Variants in IL1RAPL1 observed in about 807,000 individuals in gnomAD.
IL1RAPL1 encodes interleukin-1 receptor accessory protein-like 1.
IL1RAPL1 carries 3 observed loss-of-function variants against 48.4 expected under a neutral mutation model. The observed-to-expected ratio is 0.06, with a 90% confidence interval of 0.03 to 0.16. The LOEUF (loss-of-function observed/expected upper bound fraction) is 0.16, where lower values mean the gene tolerates loss of function less well. Ranked by LOEUF, IL1RAPL1 falls within the 10% of genes least tolerant of loss-of-function variation. IL1RAPL1 has a pLI of 1.00. For missense variants in IL1RAPL1, 349 were observed against 530.6 expected, an observed-to-expected ratio of 0.66 and a Z score of 3.36; for synonymous variants, 185 against 187.7, an observed-to-expected ratio of 0.99 and a Z score of 0.12.
At chrX:29,196,525 G>T (rs1471584376) in intron 2 of IL1RAPL1, among the ~76,000 whole-genome samples, 2 of 111,552 alleles carry the variant, frequency 1.8e-5, no homozygotes, top group East Asian at 5.6e-4. Flanking sequence ...TGGTTTATGG[G>T]CCTGACAATG....
At chrX:29,468,608 T>A (rs1934888588) in intron 5 of IL1RAPL1, among the ~76,000 whole-genome samples, 1 of 112,270 alleles carries the variant, frequency 8.9e-6, no homozygotes, top group Non-Finnish European at 1.9e-5. Context: ...CATTTTCTCT[T>A]GTCTGGTCTT....
intron 6 of IL1RAPL1, among the ~76,000 whole-genome samples, chrX:29,821,547 C>T (rs1930620265): frequency 8.9e-6 from 1 of 112,364 alleles, no homozygotes; most frequent in African/African-American, 3.2e-5. Flanking sequence ...GTTTTATTTT[C>T]TTCAGGTCAC....
chrX:29,533,171 TATTCAG>T (rs1236741363), intron 5 of IL1RAPL1, among the ~76,000 whole-genome samples: 3 of 112,383 alleles, frequency 2.7e-5, no homozygotes, highest in Non-Finnish European at 5.6e-5. Flanking sequence ...TTTTTTAGTA[TATTCAG>T]AGAGTTATGC....
At chrX:28,955,598 G>A (rs1399061772) in intron 2 of IL1RAPL1, among the ~76,000 whole-genome samples, 2 of 107,325 alleles carry the variant, frequency 1.9e-5, no homozygotes, top group Middle Eastern at 4.7e-3. Context: ...GTAGATATGC[G>A]GCGTTATTTC....
intron 2 of IL1RAPL1, among the ~76,000 whole-genome samples, chrX:28,902,615 A>T (rs192186515): frequency 1.4e-4 from 16 of 112,001 alleles, no homozygotes; most frequent in Admixed American, 1.0e-3. Context: ...TACACCTGGT[A>T]ATAGTGCATG....
At chrX:29,191,580 C>T (rs1459846043) in intron 2 of IL1RAPL1, among the ~76,000 whole-genome samples, 1 of 111,873 alleles carries the variant, frequency 8.9e-6, no homozygotes, top group Non-Finnish European at 1.9e-5. Context: ...CTGCCATGTA[C>T]TTTGACACCT....
intron 3 of IL1RAPL1, among the ~76,000 whole-genome samples, chrX:29,367,111 A>G (rs1933473157): frequency 9.0e-6 from 1 of 111,628 alleles, no homozygotes; most frequent in South Asian, 3.7e-4. Context: ...TAGCAAATAT[A>G]ATCAAAGTTA....
intron 2 of IL1RAPL1, among the ~76,000 whole-genome samples, chrX:28,949,310 T>C (rs1277436570): frequency 9.0e-6 from 1 of 110,758 alleles, no homozygotes; most frequent in African/African-American, 3.3e-5. Context: ...AAATGAGCCT[T>C]GTGTGCTTTC....
intron 3 of IL1RAPL1, among the ~76,000 whole-genome samples, chrX:29,287,307 A>G (rs1313678460): frequency 9.0e-6 from 1 of 111,730 alleles, no homozygotes; most frequent in Non-Finnish European, 1.9e-5. Context: ...CATGGTATGG[A>G]CTACCACCAT....
intron 2 of IL1RAPL1, among the ~76,000 whole-genome samples, chrX:29,205,660 T>C (rs1930648893): frequency 8.9e-6 from 1 of 111,954 alleles, no homozygotes; most frequent in African/African-American, 3.2e-5. Flanking sequence ...ATGATCCAAG[T>C]GCTTTGCAGA....
rs1447506062 is a variant in IL1RAPL1 at position 29,865,762 on chromosome X, G to T, written c.779-51702G>T. 6.0e-5 allele frequency among the ~76,000 whole-genome samples: 6 copies of T among 100,511 alleles called. No individual in the cohort carries two copies. The Admixed American group carries it at 6.7e-4, about 11-fold the overall frequency. 87.3% of individuals were successfully genotyped at this position (100,511 alleles called of 115,157 possible). ...AGCAATTCTCCTGCCTCAGCCTCTT[G>T]AGTGGCTGGGATTACAGGTGCACGC... On this transcript the variant is annotated intron_variant, in intron 6 of 10. Transcript: ENST00000378993.
chrX:28,789,497 C>A, intron 2 of IL1RAPL1, 72 bp downstream of exon 2: 1 of 756,716 alleles, frequency 1.3e-6, no homozygotes. Flanking sequence ...ACACATGTGC[C>A]ATTAGTGGAA....
chrX:29,702,284 A>G (rs941923890), intron 6 of IL1RAPL1, among the ~76,000 whole-genome samples: 38 of 108,605 alleles, frequency 3.5e-4, no homozygotes, highest in Non-Finnish European at 5.9e-4. Context: ...CTAGGAATAG[A>G]CTCTCCAGGT....
chrX:29,280,687 A>G (rs1932187611), intron 2 of IL1RAPL1, among the ~76,000 whole-genome samples: 1 of 112,304 alleles, frequency 8.9e-6, no homozygotes, highest in Non-Finnish European at 1.9e-5. Context: ...AGTGAGAAGG[A>G]CAAAGTCCCT....
intron 1 of IL1RAPL1, among the ~76,000 whole-genome samples, chrX:28,760,455 CTT>C (rs1936156253): frequency 8.9e-6 from 1 of 111,798 alleles, no homozygotes; most frequent in Non-Finnish European, 1.9e-5. Context: ...AGAGAACAAA[CTT>C]TATCTTAGAT....
chrX:29,900,923 C>G (rs1033408987), intron 6 of IL1RAPL1, among the ~76,000 whole-genome samples: 2 of 111,905 alleles, frequency 1.8e-5, no homozygotes, highest in African/African-American at 6.5e-5. Flanking sequence ...TGTCTTTGAT[C>G]AAATTGAAGT....
chrX:28,778,397 A>G (rs969682103), intron 1 of IL1RAPL1, among the ~76,000 whole-genome samples: 3 of 111,589 alleles, frequency 2.7e-5, no homozygotes, highest in South Asian at 3.8e-4. Flanking sequence ...AGCTAGGATC[A>G]TGTTTGCAGC....
At chrX:29,496,653 T>C (rs1935217396) in intron 5 of IL1RAPL1, among the ~76,000 whole-genome samples, 1 of 110,907 alleles carries the variant, frequency 9.0e-6, no homozygotes, top group African/African-American at 3.3e-5. Context: ...GTCTCCAGTA[T>C]TTGTTTATTA....
chrX:29,955,233 A>G lies in IL1RAPL1; in HGVS notation c.1504A>G (p.Thr502Ala), dbSNP rs1569212396. The G allele has an allele frequency of 8.3e-7, 1 of 1,210,999 alleles. No homozygotes were observed. ...AACCAGACTTCGAAATATGCTTGTG[A>G]CTGGAGAAATTAAAGTGATTCTAAT... is the stretch of plus-strand genomic sequence containing the variant. Reference protein sequence around the residue: ...LETRLRNMLVTGEIKVILIEC... With the variant: ...LETRLRNMLVAGEIKVILIEC... The change falls in exon 11 of 11, where the codon ACT (threonine) becomes GCT (alanine). Residue 502 changes from threonine to alanine, a missense_variant. Coordinates refer to ENST00000378993, the MANE Select transcript of IL1RAPL1 (RefSeq NM_014271.4).
Sources: gnomAD v4.1 joint callset for allele counts (sites outside exome capture counted in the v4.1 genomes callset) on GRCh38, gnomAD v4.1.1 for gene constraint, MANE v1.5 for transcripts, NCBI Gene and HGNC (gene_info 2026-07-23, HGNC 2026-07-21) for gene names.